The following SLC16A3 variants were observed in gnomAD, a reference collection of about 807,000 sequenced individuals.
SLC16A3 encodes the protein solute carrier family 16 member 3.
SLC16A3 carries 22 observed loss-of-function variants against 25.0 expected under a neutral mutation model. That is an observed-to-expected ratio of 0.88 (90% CI 0.63 to 1.26). The LOEUF is 1.26. SLC16A3 is among the 50% of genes most tolerant of loss of function. SLC16A3 has a pLI of 0.00. For missense variants in SLC16A3, 731 were observed against 666.6 expected (o/e 1.10, Z -1.06); for synonymous variants, 390 against 309.2 (o/e 1.26, Z -2.74).
At chr17:82,227,439 G>A (rs1469963085), upstream of SLC16A3, among the ~76,000 whole-genome samples, 2 of 152,168 alleles carry the variant, frequency 1.3e-5, no homozygotes, top group South Asian at 2.1e-4. Context: ...GGGATGGGGA[G>A]CACGGTACCC....
In SLC16A3 at chr17:82,236,843, A is replaced by G; in HGVS notation, c.338A>G (p.Gln113Arg). Residue 113 changes from glutamine to arginine, a missense_variant, in exon 3 of 5, where the codon CAG becomes CGG. Transcript: ENST00000582743. ...GCGTCCTTTTGCCGGAGCATCATCC[A>G]GGTCTACCTCACCACTGGGGTCATC... ...VAASFCRSII[Q>R]VYLTTGVITG... The G allele has an allele frequency of 1.9e-6, 3 of 1,607,034 alleles. No homozygotes were observed. Among genetic ancestry groups the G allele is most frequent in the Non-Finnish European group, 2.5e-6 (3 of 1,179,796 alleles).
Position 82,238,133 on chromosome 17 carries a change from G to T in SLC16A3, c.1123+240G>T, listed in dbSNP as rs111664535. Among the ~76,000 whole-genome samples the T allele has an allele frequency of 4.0e-5, 6 of 149,670 alleles. No individual in the cohort carries two copies. The South Asian group carries it at 8.6e-4, about 21-fold the overall frequency. On this transcript the variant is annotated intron_variant, in intron 4 of 4. Transcript: ENST00000582743. Reference sequence around the variant, plus strand: ...GGCAGGGTGGCTAGGGGCTGGGCCCGGGGGGGGGCAGCTCCTCCAGGCTCT... The same window carrying T: ...GGCAGGGTGGCTAGGGGCTGGGCCCTGGGGGGGGCAGCTCCTCCAGGCTCT...
intron 1 of SLC16A3, chr17:82,233,621 G>A (rs1028611283): frequency 1.1e-4 from 16 of 152,374 alleles, no homozygotes; most frequent in African/African-American, 3.8e-4. Flanking sequence ...ACCTCTTTGT[G>A]TTTTGCAGGG....
In SLC16A3 at chr17:82,236,613, C is replaced by T. The variant is rs990844504; in HGVS notation, c.224-116C>T. 7.3e-5 allele frequency: 106 copies of T among 1,460,580 alleles called. 1 individual carries two copies. The East Asian group carries it at 2.0e-3, about 27-fold the overall frequency. The allele number at this position is 1,460,580 out of a possible 1,614,324, so 90.5% of individuals were successfully genotyped here. ...TGCCCACGGGGTGCCCCTGGTGCCC[C>T]GCGGGGGGAGGGGTGGTGTGGGAAG... On this transcript the variant is annotated intron_variant, in intron 2 of 4. Transcript: ENST00000582743.
At chr17:82,234,072 C>A (rs1033046064) in intron 1 of SLC16A3, 20 of 152,220 alleles carry the variant, frequency 1.3e-4, no homozygotes, top group African/African-American at 4.8e-5. Flanking sequence ...GATCTCCTGA[C>A]CTCGTGATCC....
At chr17:82,233,508 C>T (rs569917692) in intron 1 of SLC16A3, among the ~76,000 whole-genome samples, 133 of 152,310 alleles carry the variant, frequency 8.7e-4, no homozygotes, top group African/African-American at 2.9e-3. Flanking sequence ...CCTCCCCACA[C>T]GCCCTCGTCT....
intron 1 of SLC16A3, among the ~76,000 whole-genome samples, chr17:82,218,301 T>TG (rs56856406): frequency 8.6e-4 from 44 of 50,904 alleles, no homozygotes; most frequent in Admixed American, 1.5e-3. Flanking sequence ...CCTCGGTCAC[T>TG]GCGGGGTGGA....
intron 1 of SLC16A3, 57 bp from the exon 2 acceptor site, chr17:82,235,926 A>G (rs2147127277): frequency 8.1e-7 from 1 of 1,227,848 alleles, no homozygotes; most frequent in Non-Finnish European, 1.1e-6. Flanking sequence ...CTCCCCTGCC[A>G]GGCTGCAGCT....
chr17:82,236,260 G>C, intron 2 of SLC16A3, 29 bp downstream of exon 2: 5 of 1,595,298 alleles, frequency 3.1e-6, no homozygotes, highest in Non-Finnish European at 4.3e-6. Flanking sequence ...CGGGCCCCCT[G>C]TCCGGGGCTC....
chr17:82,236,581 G>T (rs2050607693), intron 2 of SLC16A3, 148 bp from the exon 3 acceptor site: 1 of 1,183,956 alleles, frequency 8.4e-7, no homozygotes, highest in East Asian at 2.4e-5. Context: ...CCTGCGCTCG[G>T]GGAGCCTGCC....
chr17:82,237,281 C>T lies in SLC16A3; in HGVS notation c.511C>T (p.Gln171Ter). The change falls in exon 4 of 5, where the codon CAG (glutamine) becomes TAG (stop). Residue 171 changes from glutamine (Q) to a stop codon, truncating the protein, a stop_gained. Transcript: ENST00000582743. LOFTEE classifies it high-confidence loss of function. ...CCTGAGCCCGCTGGGGCAGCTGCTG[C>T]AGGACCGCTACGGCTGGCGGGGCGG... ...CALSPLGQLL[Q>*]DRYGWRGGFL... 1 of 1,564,394 alleles carries T rather than the reference C, an allele frequency of 6.4e-7. No individual in the cohort carries two copies. Among genetic ancestry groups the T allele is most frequent in the Non-Finnish European group, 8.7e-7 (1 of 1,154,752 alleles).
At chr17:82,228,221 G>T (rs1323376627), upstream of SLC16A3, among the ~76,000 whole-genome samples, 1 of 152,230 alleles carries the variant, frequency 6.6e-6, no homozygotes, top group Non-Finnish European at 1.5e-5. Context: ...TTATTTCCAT[G>T]TTGCAAATGA....
At chr17:82,222,256 G>C (rs1199123453) in intron 1 of SLC16A3, among the ~76,000 whole-genome samples, 2 of 118,202 alleles carry the variant, frequency 1.7e-5, no homozygotes, top group East Asian at 3.1e-4. Context: ...GGAGAGGAGC[G>C]TCGCCCTGGG....
chr17:82,235,780 G>A, intron 1 of SLC16A3: 1 of 592,646 alleles, frequency 1.7e-6, no homozygotes, highest in Non-Finnish European at 3.0e-6. Context: ...AGGCAGTGCA[G>A]AGGGAGTGGG....
At chr17:82,236,934 T>C in intron 3 of SLC16A3, 62 bp downstream of exon 3, 2 of 1,583,192 alleles carry the variant, frequency 1.3e-6, no homozygotes, top group South Asian at 2.2e-5. Flanking sequence ...GCACTTCTGC[T>C]CCTGGGTCCA....
upstream of SLC16A3, among the ~76,000 whole-genome samples, chr17:82,227,579 A>ACCGGC (rs1409999003): frequency 2.1e-5 from 3 of 139,840 alleles, no homozygotes; most frequent in Admixed American, 7.1e-5. Context: ...TGGGAGCACC[A>ACCGGC]CCTGCCCTGG....
At position 82,238,810 on chromosome 17, in the gene SLC16A3, G is replaced by C. The variant is rs755068063; in HGVS notation, c.1232G>C (p.Arg411Thr). 1.2e-6 allele frequency: 2 copies of C among 1,612,906 alleles called. No homozygotes were observed. The highest frequency in any genetic ancestry group is 1.7e-6 in the Non-Finnish European group (2 of 1,179,966). The change falls in exon 5 of 5, where the codon AGG becomes ACG. Residue 411 changes from arginine (R) to threonine (T), a missense_variant. By Grantham distance (71) the Arg-to-Thr change is moderately conservative (BLOSUM62 -1). Transcript: ENST00000582743. Reference sequence around the variant, plus strand: ...CTGCTGGGCAACTTCTTCTGCATTAGGAAGAAGCCCAAAGAGCCACAGCCT... The same window carrying C: ...CTGCTGGGCAACTTCTTCTGCATTACGAAGAAGCCCAAAGAGCCACAGCCT... ...ILLLGNFFCIRKKPKEPQPEV... is the reference protein window; with the variant it reads ...ILLLGNFFCITKKPKEPQPEV...
rs763228804 is a variant in SLC16A3, at chr17:82,240,015, G to A, written c.*1039G>A. On this transcript the variant is annotated 3_prime_UTR_variant, in exon 5 of 5. Coordinates refer to ENST00000582743, the MANE Select transcript of SLC16A3 (RefSeq NM_004207.4). ...GTGGGCGCTGGGGACGGCAGCGGGT[G>A]CCCTGGCGGGCCGCGTGCAGCCGGA... is the stretch of plus-strand genomic sequence containing the variant. The A allele has an allele frequency of 5.1e-5, 63 of 1,233,796 alleles. No homozygotes were observed. Among genetic ancestry groups the A allele is most frequent in the Non-Finnish European group, 6.4e-5 (63 of 987,880 alleles). 76.4% of individuals were successfully genotyped at this position (1,233,796 alleles called of 1,614,324 possible).
At chr17:82,229,338 C>G (rs1357888620) in intron 1 of SLC16A3, 1 of 152,190 alleles carries the variant, frequency 6.6e-6, no homozygotes, top group Non-Finnish European at 1.5e-5. Context: ...GCTGCCCAGT[C>G]TCGTCTCCCC....
Sources: allele counts gnomAD v4.1 joint callset (sites outside exome capture counted in the v4.1 genomes callset), GRCh38; gene constraint gnomAD v4.1.1; transcripts MANE v1.5; gene names NCBI Gene and HGNC (gene_info 2026-07-23, HGNC 2026-07-21).